ARID4B: variants seen among roughly 807,000 people sequenced by gnomAD.
ARID4B encodes AT-rich interaction domain 4B.
Under a neutral mutation model 147.5 loss-of-function variants are expected in ARID4B, and 26 were observed. The observed-to-expected ratio is 0.18, with a 90% CI of 0.13 to 0.24. ARID4B has a LOEUF of 0.24. Among genes scored for constraint, ARID4B ranks in the 10% least tolerant of loss-of-function variants. The pLI is 1.00. For missense variants in ARID4B, 1,179 were observed against 1,511.5 expected (o/e 0.78, Z 3.65); for synonymous variants, 512 against 507.9 (o/e 1.01, Z -0.11).
At chr1:235,323,907 GTTT>G (rs1054376468) in intron 2 of ARID4B, among the ~76,000 whole-genome samples, 1 of 143,240 alleles carries the variant, frequency 7.0e-6, no homozygotes, top group South Asian at 2.2e-4. Flanking sequence ...ATTTTATTTA[GTTT>G]TTTTTTTTTT....
At chr1:235,322,157 T>C (rs1446229174) in intron 2 of ARID4B, among the ~76,000 whole-genome samples, 2 of 152,116 alleles carry the variant, frequency 1.3e-5, no homozygotes, top group African/African-American at 4.8e-5. Flanking sequence ...GCCTCCCTAA[T>C]AGCTGGCATT....
chr1:235,235,719 G>GA (rs1162098899), intron 8 of ARID4B, among the ~76,000 whole-genome samples: 1 of 151,914 alleles, frequency 6.6e-6, no homozygotes, highest in African/African-American at 2.4e-5. Context: ...AGAACCTGGT[G>GA]AAAAAAACTG....
chr1:235,294,073 A>AT lies in ARID4B; in HGVS notation c.6+32840dup, dbSNP rs553282018. On this transcript the variant is annotated intron_variant, in intron 2 of 23. Coordinates refer to ENST00000264183, the MANE Select transcript of ARID4B (RefSeq NM_016374.6). ...TCCAGTTGCCTTCTATTGACATACA[A>AT]TATGTCCAAAACCCAGTAAAATATT... is the stretch of plus-strand genomic sequence containing the variant. 3.2e-4 allele frequency among the ~76,000 whole-genome samples: 48 copies of AT among 152,246 alleles called. 1 individual carries two copies. The East Asian group carries it at 8.5e-3, about 27-fold the overall frequency.
At chr1:235,317,376 C>G (rs1382338809) in intron 2 of ARID4B, among the ~76,000 whole-genome samples, 2 of 152,140 alleles carry the variant, frequency 1.3e-5, no homozygotes, top group African/African-American at 2.4e-5. Context: ...TACACTTGGA[C>G]TTTCTGAGTA....
intron 17 of ARID4B, among the ~76,000 whole-genome samples, chr1:235,202,866 T>C (rs987707656): frequency 6.6e-6 from 1 of 152,074 alleles, no homozygotes; most frequent in African/African-American, 2.4e-5. Flanking sequence ...TGAAAAATTA[T>C]ATGAGACTCC....
chr1:235,318,793 A>G (rs902000110), intron 2 of ARID4B, among the ~76,000 whole-genome samples: 2 of 151,998 alleles, frequency 1.3e-5, no homozygotes, highest in African/African-American at 4.8e-5. Flanking sequence ...AGGCAGGAAG[A>G]TCGCTTGAAC....
At chr1:235,318,618 A>G (rs1169346944) in intron 2 of ARID4B, among the ~76,000 whole-genome samples, 1 of 152,170 alleles carries the variant, frequency 6.6e-6, no homozygotes, top group Non-Finnish European at 1.5e-5. Context: ...TCAGTGTCTG[A>G]ATCTTGTAAT....
At chr1:235,196,792 C>CA (rs1665524076) in intron 17 of ARID4B, among the ~76,000 whole-genome samples, 1 of 142,302 alleles carries the variant, frequency 7.0e-6, no homozygotes, top group African/African-American at 2.7e-5. Context: ...GCGGAGCTTG[C>CA]AGTGAGCTGA....
At chr1:235,269,707 C>T (rs1171325169) in intron 2 of ARID4B, among the ~76,000 whole-genome samples, 1 of 151,980 alleles carries the variant, frequency 6.6e-6, no homozygotes, top group African/African-American at 2.4e-5. Flanking sequence ...TGTATACACA[C>T]ACACAGAGAA....
intron 2 of ARID4B, among the ~76,000 whole-genome samples, chr1:235,307,995 G>C (rs1453955042): frequency 1.3e-5 from 2 of 151,396 alleles, no homozygotes; most frequent in African/African-American, 4.9e-5. Context: ...TGTCCAGCTT[G>C]ACACTAATTT....
At chr1:235,240,077 G>A (rs570365104) in intron 8 of ARID4B, among the ~76,000 whole-genome samples, 3 of 152,208 alleles carry the variant, frequency 2.0e-5, no homozygotes, top group African/African-American at 7.2e-5. Context: ...CCGAGAGAGA[G>A]AGAATTCAAC....
chr1:235,265,294 A>C (rs1226947861), intron 2 of ARID4B, among the ~76,000 whole-genome samples: 3 of 151,750 alleles, frequency 2.0e-5, no homozygotes. Context: ...TGAACCTGGG[A>C]GGTAGAGGTT....
rs776582963 is a variant in ARID4B, at chr1:235,194,118, G to T, written c.2020C>A (p.Pro674Thr). ...RLSKPPFQTN[P>T]SPEMVSKLDL... is the part of the protein sequence containing the mutation. ...AGTTTGGATACCATTTCAGGAGATG[G>T]ATTTGTCTGAAATGGTGGTTTGGAC... Residue 674 changes from proline to threonine, a missense_variant, in exon 19 of 24, where the codon CCA becomes ACA. By Grantham distance (38) the Pro-to-Thr change is conservative. Transcript: ENST00000264183. The T allele has an allele frequency of 4.3e-6, 7 of 1,612,454 alleles. No individual in the cohort carries two copies. Among genetic ancestry groups the T allele is most frequent in the Non-Finnish European group, 5.9e-6 (7 of 1,178,636 alleles).
At chr1:235,223,353 T>TTATATATATATACACG (rs1667593162) in intron 12 of ARID4B, 93 bp from the exon 13 acceptor site, 2 of 256,856 alleles carry the variant, frequency 7.8e-6, no homozygotes, top group African/African-American at 1.0e-4. Flanking sequence ...TTATAGTATT[T>TTATATATATATACACG]TATATATATA....
intron 4 of ARID4B, among the ~76,000 whole-genome samples, chr1:235,256,666 C>A (rs893736849): frequency 6.6e-6 from 1 of 152,160 alleles, no homozygotes; most frequent in Non-Finnish European, 1.5e-5. Context: ...GAAGTAAGAG[C>A]TCCGATTTTT....
chr1:235,288,527 T>TA (rs1672128726), intron 2 of ARID4B, among the ~76,000 whole-genome samples: 1 of 152,252 alleles, frequency 6.6e-6, no homozygotes, highest in South Asian at 2.1e-4. Flanking sequence ...AAAAATGTTT[T>TA]AGAGATCTTT....
intron 23 of ARID4B, among the ~76,000 whole-genome samples, chr1:235,168,875 A>G (rs927095066): frequency 6.6e-6 from 1 of 152,226 alleles, no homozygotes; most frequent in African/African-American, 2.4e-5. Flanking sequence ...TGAAAAGGAC[A>G]GACCAGGGAA....
chr1:235,299,470 C>T (rs770042593), intron 2 of ARID4B, among the ~76,000 whole-genome samples: 14 of 152,164 alleles, frequency 9.2e-5, no homozygotes, highest in East Asian at 1.9e-4. Flanking sequence ...AGATTAAAGG[C>T]GTGAGCCACT....
intron 12 of ARID4B, 122 bp from the exon 13 acceptor site, chr1:235,223,382 T>TATATACACGTATATATATATAC: frequency 9.4e-6 from 2 of 213,202 alleles, no homozygotes; most frequent in Admixed American, 6.7e-5. Flanking sequence ...TATATATATA[T>TATATACACGTATATATATATAC]ACACGTATAT....
Sources: gnomAD v4.1 joint callset for allele counts (sites outside exome capture counted in the v4.1 genomes callset) on GRCh38, gnomAD v4.1.1 for gene constraint, MANE v1.5 for transcripts, NCBI Gene and HGNC (gene_info 2026-07-23, HGNC 2026-07-21) for gene names.